USP7: variants seen among roughly 807,000 people sequenced by gnomAD.
The protein encoded by USP7 is ubiquitin specific peptidase 7, also known as ubiquitin C-terminal hydrolase 7.
Under a neutral mutation model 162.9 loss-of-function variants are expected in USP7, and 9 were observed. The observed-to-expected ratio is 0.06, with a 90% CI of 0.03 to 0.10. The LOEUF is 0.10. Ranked by LOEUF, USP7 falls within the 10% of genes least tolerant of loss-of-function variation. The pLI, the probability that USP7 is intolerant of heterozygous loss-of-function variation, is 1.00. For synonymous variants in USP7, 562 were observed against 475.9 expected (o/e 1.18, Z -2.35); for missense variants, 715 against 1,373.7 (o/e 0.52, Z 7.58).
chr16:8,907,095 G>A (rs1457932839), intron 12 of USP7, among the ~76,000 whole-genome samples: 3 of 152,186 alleles, frequency 2.0e-5, no homozygotes, highest in Admixed American at 6.5e-5. Flanking sequence ...GCATGCACCC[G>A]GCCTGCGAAG....
chr16:8,921,891 GGTTTGCGATTTAA>G (rs1210682188), intron 3 of USP7, among the ~76,000 whole-genome samples: 1 of 152,220 alleles, frequency 6.6e-6, no homozygotes, highest in Admixed American at 6.5e-5. Context: ...AGAAAGTTAA[GGTTTGCGATTTAA>G]GTGGGGCCTT....
At chr16:8,921,406 C>G in intron 3 of USP7, 111 bp from the exon 4 acceptor site, 2 of 1,248,884 alleles carry the variant, frequency 1.6e-6, no homozygotes, top group Non-Finnish European at 1.1e-6. Flanking sequence ...TTTCATTGCT[C>G]TCTCCTTTCG....
chr16:8,950,768 C>T (rs1285458320), intron 1 of USP7, among the ~76,000 whole-genome samples: 2 of 152,246 alleles, frequency 1.3e-5, no homozygotes, highest in African/African-American at 4.8e-5. Context: ...CCAAGGGTCA[C>T]CTGGCTTACA....
At chr16:8,931,520 A>T (rs1454379350) in intron 1 of USP7, among the ~76,000 whole-genome samples, 2 of 152,238 alleles carry the variant, frequency 1.3e-5, no homozygotes, top group East Asian at 3.8e-4. Context: ...TCAGTGGACA[A>T]TTCCTGTATA....
chr16:8,919,733 A>C (rs936186975), intron 5 of USP7, among the ~76,000 whole-genome samples: 7 of 150,820 alleles, frequency 4.6e-5, no homozygotes, highest in African/African-American at 1.7e-4. Context: ...CCAGAAAGCA[A>C]AGCAATCCTC....
intron 1 of USP7, among the ~76,000 whole-genome samples, chr16:8,939,915 C>A (rs745314105): frequency 7.2e-5 from 11 of 152,254 alleles, no homozygotes; most frequent in Middle Eastern, 3.4e-3. Flanking sequence ...CTGGCTAACA[C>A]GGTGAAACCC....
At chr16:8,897,966 T>C (rs2061715905) in intron 25 of USP7, among the ~76,000 whole-genome samples, 1 of 151,644 alleles carries the variant, frequency 6.6e-6, no homozygotes, top group African/African-American at 2.4e-5. Context: ...ACACTGGAGC[T>C]GTCTACACTA....
rs150142638 is a variant in USP7, at chr16:8,913,906, G to A, written c.1078+1348C>T. On this transcript the variant is annotated intron_variant, in intron 10 of 30. Coordinates refer to ENST00000344836, the MANE Select transcript of USP7 (RefSeq NM_003470.3). ...TGGGACTACAGGTGCATGCCACCAC[G>A]CCCAGCTAATTTGTAGAGATGGAGT... Among the ~76,000 whole-genome samples, 216 of 151,712 alleles carry A rather than the reference G, an allele frequency of 1.4e-3. 3 individuals are homozygous for A. The highest frequency in any genetic ancestry group is 5.0e-3 in the African/African-American group (208 of 41,230).
chr16:8,946,023 C>T (rs1899258152), intron 1 of USP7, among the ~76,000 whole-genome samples: 2 of 152,126 alleles, frequency 1.3e-5, no homozygotes, highest in Admixed American at 1.3e-4. Context: ...AGAAACAGAT[C>T]CCATTTGATT....
At chr16:8,929,720 G>C (rs955345485) in intron 2 of USP7, among the ~76,000 whole-genome samples, 2 of 152,130 alleles carry the variant, frequency 1.3e-5, no homozygotes, top group African/African-American at 4.8e-5. Context: ...AGAAGGAATG[G>C]TCTCGGAAGA....
At chr16:8,912,919 G>T (rs754682286) in intron 10 of USP7, among the ~76,000 whole-genome samples, 4 of 152,090 alleles carry the variant, frequency 2.6e-5, no homozygotes, top group Non-Finnish European at 5.9e-5. Context: ...GACACTGCAG[G>T]CAATTAGTGA....
intron 1 of USP7, among the ~76,000 whole-genome samples, chr16:8,933,129 A>G (rs1206622483): frequency 1.3e-5 from 2 of 152,094 alleles, no homozygotes; most frequent in Non-Finnish European, 2.9e-5. Flanking sequence ...TAGTAGAGAC[A>G]GGGTTTCATC....
rs1417502075 is a variant in USP7, at chr16:8,921,306, G to C, written c.384-11C>G. On this transcript the variant is annotated splice_polypyrimidine_tract_variant and intron_variant, in intron 3 of 30. Coordinates refer to ENST00000344836, the MANE Select transcript of USP7 (RefSeq NM_003470.3). Reference sequence around the variant, plus strand: ...TGGCAAGACCATGACCTGTTTAAAAGAATAATCTGAGCCTTAGTTGACATT... The same window carrying C: ...TGGCAAGACCATGACCTGTTTAAAACAATAATCTGAGCCTTAGTTGACATT... 1 of 1,611,174 alleles carries C rather than the reference G, an allele frequency of 6.2e-7. No homozygotes were observed. Among genetic ancestry groups the C allele is most frequent in the African/African-American group, 1.3e-5 (1 of 74,852 alleles).
At chr16:8,957,014 T>C (rs955117682) in intron 1 of USP7, among the ~76,000 whole-genome samples, 2 of 152,092 alleles carry the variant, frequency 1.3e-5, no homozygotes, top group African/African-American at 4.8e-5. Flanking sequence ...GTCTCAGGAG[T>C]GTCATCACTG....
intron 18 of USP7, 173 bp downstream of exon 18, chr16:8,901,909 C>T (rs748305290): frequency 1.6e-6 from 1 of 627,198 alleles, no homozygotes; most frequent in Non-Finnish European, 2.7e-6. Context: ...ACAGGAAACT[C>T]GCAGCCAAGT....
chr16:8,944,177 G>A (rs1408516313), intron 1 of USP7, among the ~76,000 whole-genome samples: 5 of 152,018 alleles, frequency 3.3e-5, no homozygotes, highest in Non-Finnish European at 7.4e-5. Flanking sequence ...GAATGTTTCC[G>A]GGAATATGCA....
At position 8,921,178 on chromosome 16, in the gene USP7, A is replaced by G; in HGVS notation, c.501T>C (p.Phe167=). 6.2e-7 allele frequency: 1 copy of G among 1,614,004 alleles called. No individual in the cohort carries two copies. Among genetic ancestry groups the G allele is most frequent in the Non-Finnish European group, 8.5e-7 (1 of 1,180,024 alleles). The change falls in exon 4 of 31, where the codon TTT becomes TTC. Residue 167 remains phenylalanine, a synonymous_variant. Transcript: ENST00000344836. The stretch of plus-strand genomic sequence containing the variant: ...TTACACTCCAGGCCATAAAATTGGA[A>G]AATCCCCAATCATTTTCTTTATGGA... ...LFFHKENDWG[F]SNFMAWSEVT...
In USP7 at chr16:8,897,357, G is replaced by C. The variant is rs547802859; in HGVS notation, c.2719-258C>G. On this transcript the variant is annotated intron_variant, in intron 25 of 30. Transcript: ENST00000344836. ...TGATGCAAGAAGCCTGTCATTTACA[G>C]AACACCTTCTCAGGAAATGGTCCCG... The C allele has an allele frequency of 2.5e-5, 11 of 440,946 alleles. 1 individual carries two copies. Among genetic ancestry groups the C allele is most frequent in the Admixed American group, 2.4e-4 (6 of 25,228 alleles). The allele number at this position is 440,946 out of a possible 1,614,324, so 27.3% of individuals were successfully genotyped here.
chr16:8,962,582 A>C (rs74010351), intron 1 of USP7: 154 of 354,580 alleles, frequency 4.3e-4, no homozygotes, highest in African/African-American at 3.0e-3. Context: ...CACACTGCCA[A>C]GTACAAACTC....
Sources: gnomAD v4.1 joint callset for allele counts (sites outside exome capture counted in the v4.1 genomes callset) on GRCh38, gnomAD v4.1.1 for gene constraint, MANE v1.5 for transcripts, NCBI Gene and HGNC (gene_info 2026-07-23, HGNC 2026-07-21) for gene names.